Variants in IL1RAPL1 observed in about 807,000 individuals in gnomAD.
The protein encoded by IL1RAPL1 is interleukin 1 receptor accessory protein like 1, also known as interleukin-1 receptor accessory protein-like 1.
Under a neutral mutation model 48.4 loss-of-function variants are expected in IL1RAPL1, and 3 were observed. The ratio of observed to expected loss-of-function variants is 0.06; its 90% CI spans 0.03 to 0.16. The LOEUF (loss-of-function observed/expected upper bound fraction) is 0.16, where lower values mean the gene tolerates loss of function less well. IL1RAPL1 is among the 10% of genes least tolerant of loss of function. The probability of loss-of-function intolerance (pLI) is 1.00; values close to 1 mark genes in which losing one functional copy is unlikely to be tolerated. For missense variants in IL1RAPL1, 349 were observed against 530.6 expected (o/e 0.66, Z 3.36); for synonymous variants, 185 against 187.7 (o/e 0.99, Z 0.12).
intron 2 of IL1RAPL1, among the ~76,000 whole-genome samples, chrX:28,941,094 G>C (rs1167872118): frequency 9.0e-6 from 1 of 110,759 alleles, no homozygotes; most frequent in African/African-American, 3.3e-5. Flanking sequence ...ACAGTTTTAA[G>C]TATAAAAAAA....
chrX:29,520,607 T>C (rs1049703803), intron 5 of IL1RAPL1, among the ~76,000 whole-genome samples: 12 of 111,723 alleles, frequency 1.1e-4, no homozygotes, highest in Non-Finnish European at 1.9e-5. Flanking sequence ...CTGTTCTTAA[T>C]GGCCAAATGT....
At chrX:29,396,919 A>ATGAAACAT in intron 4 of IL1RAPL1, among the ~76,000 whole-genome samples, 1 of 112,082 alleles carries the variant, frequency 8.9e-6, no homozygotes, top group East Asian at 2.8e-4. Flanking sequence ...TATAAACATA[A>ATGAAACAT]ACATTTTAAA....
chrX:29,413,768 G>T (rs748245718), intron 5 of IL1RAPL1, among the ~76,000 whole-genome samples: 1 of 110,728 alleles, frequency 9.0e-6, no homozygotes, highest in Admixed American at 9.7e-5. Flanking sequence ...TGGTTTATAT[G>T]TGTGGAGAAA....
intron 2 of IL1RAPL1, among the ~76,000 whole-genome samples, chrX:29,099,215 A>G (rs1479182429): frequency 2.7e-5 from 3 of 112,113 alleles, no homozygotes; most frequent in African/African-American, 9.7e-5. Flanking sequence ...TCATTTAAAG[A>G]AGATTTTTAA....
At chrX:28,729,192 A>G (rs1601877087) in intron 1 of IL1RAPL1, among the ~76,000 whole-genome samples, 1 of 111,825 alleles carries the variant, frequency 8.9e-6, no homozygotes, top group South Asian at 3.7e-4. Context: ...GGTCACATTT[A>G]TGTTAAAAAA....
At chrX:28,744,487 C>T (rs983494339) in intron 1 of IL1RAPL1, among the ~76,000 whole-genome samples, 3 of 111,435 alleles carry the variant, frequency 2.7e-5, no homozygotes, top group Non-Finnish European at 5.7e-5. Flanking sequence ...AGCATATGCT[C>T]TTAACTATAA....
chrX:29,500,216 G>T (rs1305288304), intron 5 of IL1RAPL1, among the ~76,000 whole-genome samples: 1 of 111,662 alleles, frequency 9.0e-6, no homozygotes, highest in Non-Finnish European at 1.9e-5. Flanking sequence ...CCTGATCTCA[G>T]GTGATCCTCC....
chrX:29,684,287 A>G (rs773268853), intron 6 of IL1RAPL1, among the ~76,000 whole-genome samples: 42 of 111,691 alleles, frequency 3.8e-4, no homozygotes, highest in Non-Finnish European at 7.1e-4. Context: ...TGCTTCATGG[A>G]TGATGCCTTC....
At chrX:28,922,550 C>G (rs1923640481) in intron 2 of IL1RAPL1, among the ~76,000 whole-genome samples, 1 of 111,680 alleles carries the variant, frequency 9.0e-6, no homozygotes, top group African/African-American at 3.3e-5. Flanking sequence ...TCTGTTGATT[C>G]ATTTCAGAAC....
At chrX:29,371,125 A>C (rs1356779298) in intron 3 of IL1RAPL1, among the ~76,000 whole-genome samples, 2 of 59,772 alleles carry the variant, frequency 3.3e-5, no homozygotes, top group East Asian at 7.8e-4. Flanking sequence ...ATCTAAATGT[A>C]CTTTTTTTTT....
intron 5 of IL1RAPL1, among the ~76,000 whole-genome samples, chrX:29,516,731 T>C (rs775546776): frequency 4.5e-5 from 5 of 111,529 alleles, no homozygotes; most frequent in African/African-American, 1.6e-4. Context: ...ACAGTGTTGC[T>C]ATGACTATCC....
chrX:29,299,481 C>G (rs1370033485), intron 3 of IL1RAPL1, among the ~76,000 whole-genome samples: 1 of 111,482 alleles, frequency 9.0e-6, no homozygotes, highest in Non-Finnish European at 1.9e-5. Context: ...ATTATTTAAA[C>G]ATACAAAAAT....
intron 5 of IL1RAPL1, among the ~76,000 whole-genome samples, chrX:29,433,754 T>C (rs906367269): frequency 3.6e-5 from 4 of 111,430 alleles, no homozygotes; most frequent in Non-Finnish European, 7.6e-5. Flanking sequence ...AACTAATTCA[T>C]TGAGTTTTTA....
At chrX:29,333,782 A>G (rs1602177514) in intron 3 of IL1RAPL1, among the ~76,000 whole-genome samples, 1 of 43,564 alleles carries the variant, frequency 2.3e-5, no homozygotes. Context: ...TCCCTCCCGG[A>G]CAGGGCGGCT....
At chrX:29,721,132 C>T (rs772412323) in intron 6 of IL1RAPL1, among the ~76,000 whole-genome samples, 3 of 109,979 alleles carry the variant, frequency 2.7e-5, no homozygotes, top group Non-Finnish European at 3.8e-5. Flanking sequence ...AGCCGAACCA[C>T]CCTAGGGGAT....
chrX:28,858,052 A>C (rs1226000868), intron 2 of IL1RAPL1, among the ~76,000 whole-genome samples: 1 of 112,252 alleles, frequency 8.9e-6, no homozygotes, highest in Non-Finnish European at 1.9e-5. Flanking sequence ...TGAATTCTTA[A>C]GACTTCAGTG....
At chrX:28,815,471 A>G (rs932500285) in intron 2 of IL1RAPL1, among the ~76,000 whole-genome samples, 6 of 109,552 alleles carry the variant, frequency 5.5e-5, no homozygotes, top group African/African-American at 2.0e-4. Context: ...CATTAGCATT[A>G]TTCTTCTCTA....
At chrX:29,926,288 A>G (rs910022476) in intron 8 of IL1RAPL1, among the ~76,000 whole-genome samples, 1 of 112,317 alleles carries the variant, frequency 8.9e-6, no homozygotes, top group Admixed American at 9.4e-5. Flanking sequence ...TCTGCTGATG[A>G]TTAACTTTTT....
intron 2 of IL1RAPL1, among the ~76,000 whole-genome samples, chrX:28,797,870 A>G (rs1386578568): frequency 8.9e-6 from 1 of 111,796 alleles, no homozygotes; most frequent in African/African-American, 3.3e-5. Context: ...CATACCTGAG[A>G]CCAAGAAGAA....
Sources: gnomAD v4.1 joint callset for allele counts (sites outside exome capture counted in the v4.1 genomes callset) on GRCh38, gnomAD v4.1.1 for gene constraint, MANE v1.5 for transcripts, NCBI Gene and HGNC (gene_info 2026-07-23, HGNC 2026-07-21) for gene names.